The following BCAS3 variants were observed in gnomAD, a reference collection of about 807,000 sequenced individuals.
BCAS3 encodes BCAS3 microtubule associated cell migration factor.
A neutral mutation model predicts 116.1 loss-of-function variants in BCAS3; 53 were observed. The ratio of observed to expected loss-of-function variants is 0.46; its 90% CI spans 0.37 to 0.57. The LOEUF (loss-of-function observed/expected upper bound fraction) is 0.57. Ranked by LOEUF, BCAS3 falls within the 20% of genes least tolerant of loss-of-function variation. The pLI is 0.00. For missense variants in BCAS3, 917 were observed against 1,165.4 expected, an observed-to-expected ratio of 0.79 and a Z score of 3.10; for synonymous variants, 391 against 408.2, an observed-to-expected ratio of 0.96 and a Z score of 0.51.
At chr17:61,322,798 G>GAC (rs2055340102) in intron 22 of BCAS3, among the ~76,000 whole-genome samples, 1 of 24,736 alleles carries the variant, frequency 4.0e-5, no homozygotes, top group Admixed American at 8.0e-4. Flanking sequence ...GAGAGACAGA[G>GAC]AGAGAGAGAG....
chr17:61,066,940 T>C (rs1311209739), intron 19 of BCAS3, among the ~76,000 whole-genome samples: 1 of 152,040 alleles, frequency 6.6e-6, no homozygotes, highest in African/African-American at 2.4e-5. Context: ...TGTTTATACC[T>C]TTAATCTTGC....
At position 61,235,012 on chromosome 17, in the gene BCAS3, C is replaced by T. The variant is rs60746987; in HGVS notation, c.2426-133315C>T. On this transcript the variant is annotated intron_variant, in intron 22 of 23. Coordinates refer to ENST00000407086, the MANE Select transcript of BCAS3 (RefSeq NM_017679.5). This position sits in a 1 kb window ranked among gnomAD's most constrained non-coding sequence, Gnocchi z 5.0. ...AAGCAATTCTCCTTCCTCAGCCTCC[C>T]GAGTAGCTGGGACTATAGGCGCACG... Among the ~76,000 whole-genome samples, 262 of 152,212 alleles carry T rather than the reference C, an allele frequency of 1.7e-3. No individual in the cohort carries two copies. Among genetic ancestry groups the T allele is most frequent in the African/African-American group, 5.4e-3 (225 of 41,534 alleles).
At chr17:61,089,026 G>C (rs143493884) in intron 22 of BCAS3, among the ~76,000 whole-genome samples, 17 of 152,280 alleles carry the variant, frequency 1.1e-4, no homozygotes, top group Middle Eastern at 3.4e-3. Flanking sequence ...TAAGGTATTA[G>C]TGTTACATCA....
chr17:61,140,632 A>C lies in BCAS3; in HGVS notation c.2425+56068A>C, dbSNP rs2076869968. 2.0e-5 allele frequency among the ~76,000 whole-genome samples: 3 copies of C among 151,718 alleles called. No individual in the cohort carries two copies. The highest frequency in any genetic ancestry group is 7.3e-5 in the African/African-American group (3 of 41,256). On this transcript the variant is annotated intron_variant, in intron 22 of 23. Transcript: ENST00000407086. This position sits in a 1 kb window ranked among gnomAD's most constrained non-coding sequence, Gnocchi z 4.2. ...CAGCACTCTGGCATTTGGCCATCTT[A>C]GTATGGCCTTTATATAACTTTGGAA... is the stretch of plus-strand genomic sequence containing the variant.
intron 7 of BCAS3, chr17:60,810,674 CAG>C: frequency 1.5e-6 from 1 of 665,614 alleles, no homozygotes; most frequent in Admixed American, 1.9e-5. Context: ...AAGTATGAGA[CAG>C]AGCTGGCCAT....
chr17:61,093,943 T>C (rs988360967), intron 22 of BCAS3, among the ~76,000 whole-genome samples: 4 of 152,276 alleles, frequency 2.6e-5, no homozygotes, highest in African/African-American at 9.6e-5. Context: ...TTTCAAACTC[T>C]GGGAATTCCC....
chr17:61,375,036 A>C (rs1306053602), intron 23 of BCAS3, among the ~76,000 whole-genome samples: 1 of 152,164 alleles, frequency 6.6e-6, no homozygotes, highest in East Asian at 1.9e-4. Flanking sequence ...TCTTCCAAAG[A>C]TTTCTGTCAG....
intron 7 of BCAS3, among the ~76,000 whole-genome samples, chr17:60,845,634 A>G (rs1215653392): frequency 1.3e-5 from 2 of 152,196 alleles, no homozygotes; most frequent in Admixed American, 1.3e-4. Flanking sequence ...ATATACTATT[A>G]TTGGCTTAAA....
intron 10 of BCAS3, 79 bp downstream of exon 10, chr17:60,889,850 A>G (rs2057014784): frequency 2.4e-6 from 3 of 1,266,806 alleles, no homozygotes; most frequent in South Asian, 1.3e-5. Context: ...CCTGTGCTCC[A>G]TAGTTGATTA....
intron 7 of BCAS3, among the ~76,000 whole-genome samples, chr17:60,842,319 T>C (rs9896058): frequency 0.18 from 26,973 of 152,016 alleles, 2,783 homozygotes; most frequent in African/African-American, 0.28. Flanking sequence ...GTTTTTTTGG[T>C]AGTGGACAAC....
rs2082361036 is a variant in BCAS3, at chr17:61,226,142, T to C, written c.2425+141578T>C. Among the ~76,000 whole-genome samples the C allele has an allele frequency of 6.6e-6, 1 of 151,924 alleles. No homozygotes were observed. Among genetic ancestry groups the C allele is most frequent in the African/African-American group, 2.4e-5 (1 of 41,340 alleles). ...TGGGAGGATCATTTGAGCCCAGGAG[T>C]TTGAGTCCAGCCTGGGCAATATAGC... On this transcript the variant is annotated intron_variant, in intron 22 of 23. Coordinates refer to ENST00000407086, the MANE Select transcript of BCAS3 (RefSeq NM_017679.5). The surrounding 1 kb of genome is among the most constrained non-coding windows in gnomAD (Gnocchi z 6.0).
chr17:61,011,282 G>C (rs1021531634), intron 15 of BCAS3, among the ~76,000 whole-genome samples: 1 of 151,976 alleles, frequency 6.6e-6, no homozygotes, highest in Non-Finnish European at 1.5e-5. Context: ...AATAGCAATA[G>C]ACTTCATCTA....
intron 13 of BCAS3, among the ~76,000 whole-genome samples, chr17:60,946,576 G>GT (rs1313085252): frequency 6.6e-6 from 1 of 151,674 alleles, no homozygotes; most frequent in African/African-American, 2.4e-5. Context: ...AAAAGAGGGA[G>GT]TTTCATGGGG....
At chr17:60,804,810 A>AT (rs2048121837) in intron 6 of BCAS3, among the ~76,000 whole-genome samples, 1 of 152,040 alleles carries the variant, frequency 6.6e-6, no homozygotes, top group Non-Finnish European at 1.5e-5. Context: ...AAATTTTTGG[A>AT]TTTTTTAAGG....
intron 23 of BCAS3, among the ~76,000 whole-genome samples, chr17:61,374,871 G>C (rs1191233704): frequency 6.6e-6 from 1 of 151,978 alleles, no homozygotes; most frequent in Non-Finnish European, 1.5e-5. Flanking sequence ...AAATGCACTC[G>C]TGACCCACTA....
Position 60,706,596 on chromosome 17 carries a change from G to A in BCAS3, c.215-2623G>A, listed in dbSNP as rs556575072. On this transcript the variant is annotated intron_variant, in intron 4 of 23. Coordinates refer to ENST00000407086, the MANE Select transcript of BCAS3 (RefSeq NM_017679.5). ...TCCCAGCAATTTGGAAGGCCGAGGC[G>A]GATGGATCTCTTGAGGCCAGGCACT... Among the ~76,000 whole-genome samples the A allele has an allele frequency of 1.4e-4, 21 of 152,002 alleles. No homozygotes were observed. In the East Asian group the frequency reaches 2.7e-3, roughly 20 times the overall value.
At chr17:60,823,130 A>T (rs1475953020) in intron 7 of BCAS3, among the ~76,000 whole-genome samples, 4 of 152,224 alleles carry the variant, frequency 2.6e-5, no homozygotes, top group African/African-American at 9.6e-5. Flanking sequence ...CCATATTTGT[A>T]TTAAAACAAA....
rs1194554058 is a variant in BCAS3 at position 61,256,451 on chromosome 17, G to A, written c.2426-111876G>A. 6.6e-6 allele frequency among the ~76,000 whole-genome samples: 1 copy of A among 152,084 alleles called. No individual in the cohort carries two copies. Among genetic ancestry groups the A allele is most frequent in the Non-Finnish European group, 1.5e-5 (1 of 67,994 alleles). On this transcript the variant is annotated intron_variant, in intron 22 of 23. Coordinates refer to ENST00000407086, the MANE Select transcript of BCAS3 (RefSeq NM_017679.5). The surrounding 1 kb of genome is among the most constrained non-coding windows in gnomAD (Gnocchi z 5.6). ...CCTGAGTAGCTGGGATTACAGGCGT[G>A]GGCCACCATACCTGGCTAATTTTTG...
intron 12 of BCAS3, among the ~76,000 whole-genome samples, chr17:60,916,511 G>C (rs2058786190): frequency 6.6e-6 from 1 of 152,104 alleles, no homozygotes; most frequent in Non-Finnish European, 1.5e-5. Flanking sequence ...AGAAGGCTTA[G>C]AACTTCAAAA....
Sources: allele counts gnomAD v4.1 joint callset (sites outside exome capture counted in the v4.1 genomes callset), GRCh38; gene constraint gnomAD v4.1.1; non-coding constraint Gnocchi (gnomAD v3.1); transcripts MANE v1.5; gene names NCBI Gene and HGNC (gene_info 2026-07-23, HGNC 2026-07-21).